Variants in SULF1 observed in about 807,000 individuals in gnomAD.
The protein encoded by SULF1 is extracellular sulfatase Sulf-1.
In SULF1, 46 loss-of-function variants were observed where a neutral mutation model predicts 110.5. That is an observed-to-expected ratio of 0.42 (90% CI 0.33 to 0.53). The LOEUF (loss-of-function observed/expected upper bound fraction) is 0.53, where lower values mean the gene tolerates loss of function less well. SULF1 is among the 20% of genes least tolerant of loss of function. The pLI is 0.12. For missense variants in SULF1, 941 were observed against 1,094.2 expected (o/e 0.86, Z 1.98); for synonymous variants, 371 against 387.1 (o/e 0.96, Z 0.49).
At chr8:69,655,889 T>C (rs1463434686) in intron 22 of SULF1, among the ~76,000 whole-genome samples, 1 of 152,258 alleles carries the variant, frequency 6.6e-6, no homozygotes, top group Non-Finnish European at 1.5e-5. Context: ...ATATTATTTT[T>C]TCACACTTCT....
At chr8:69,599,680 G>C (rs556312746) in intron 8 of SULF1, among the ~76,000 whole-genome samples, 2 of 152,280 alleles carry the variant, frequency 1.3e-5, no homozygotes, top group East Asian at 3.9e-4. Flanking sequence ...GATTCAAGTA[G>C]ATTATAGTCT....
chr8:69,554,105 A>G (rs1814914523), intron 3 of SULF1, among the ~76,000 whole-genome samples: 2 of 152,326 alleles, frequency 1.3e-5, no homozygotes, highest in East Asian at 3.9e-4. Flanking sequence ...TGTGGGGCCC[A>G]TCATCCAGTT....
chr8:69,586,337 A>G lies in SULF1; in HGVS notation c.413-20A>G. ...TTAATCATTTTACGTGAAAAAAATAATTCTTTTTTCCCACTGCAGCCTTTT... is the reference window on the plus strand; with the variant it reads ...TTAATCATTTTACGTGAAAAAAATAGTTCTTTTTTCCCACTGCAGCCTTTT... On this transcript the variant is annotated intron_variant, in intron 6 of 22. Transcript: ENST00000402687. The G allele has an allele frequency of 6.5e-7, 1 of 1,545,468 alleles. No individual in the cohort carries two copies. The highest frequency in any genetic ancestry group is 1.2e-5 in the South Asian group (1 of 81,510).
At chr8:69,604,232 TC>T (rs1417450736) in intron 12 of SULF1, among the ~76,000 whole-genome samples, 1 of 151,670 alleles carries the variant, frequency 6.6e-6, no homozygotes, top group Admixed American at 6.6e-5. Context: ...GTTGCATTTC[TC>T]AGTGCTGGTT....
At position 69,658,745 on chromosome 8, in the gene SULF1, G is replaced by A. The variant is rs1259955496; in HGVS notation, c.*210G>A. The stretch of plus-strand genomic sequence containing the variant: ...AAGACTCAAACTGCTCAAAGTGACG[G>A]GTTCTTGGTTGTCTCTGCTGAGCAC... On this transcript the variant is annotated 3_prime_UTR_variant, in exon 23 of 23. Coordinates refer to ENST00000402687, the MANE Select transcript of SULF1 (RefSeq NM_001128205.2). 1.5e-6 allele frequency: 1 copy of A among 668,222 alleles called. No homozygotes were observed. The highest frequency in any genetic ancestry group is 2.8e-6 in the Non-Finnish European group (1 of 362,648). The allele number at this position is 668,222 out of a possible 1,614,324, so 41.4% of individuals were successfully genotyped here.
chr8:69,576,304 A>G, intron 6 of SULF1, 95 bp downstream of exon 6: 2 of 1,422,388 alleles, frequency 1.4e-6, no homozygotes, highest in Non-Finnish European at 1.9e-6. Flanking sequence ...GTTCCAACAA[A>G]TACCTAAAAA....
At chr8:69,547,723 A>ACGTAG (rs1814380058) in intron 3 of SULF1, among the ~76,000 whole-genome samples, 1 of 152,262 alleles carries the variant, frequency 6.6e-6, no homozygotes, top group Admixed American at 6.5e-5. Context: ...AGTGTATTGT[A>ACGTAG]CGTAGCATAG....
chr8:69,546,827 T>G (rs569634504), intron 3 of SULF1, among the ~76,000 whole-genome samples: 5 of 152,226 alleles, frequency 3.3e-5, no homozygotes, highest in Non-Finnish European at 7.3e-5. Flanking sequence ...TAACTCACTA[T>G]ATTCTCATTA....
intron 13 of SULF1, among the ~76,000 whole-genome samples, chr8:69,620,584 A>G (rs1442303562): frequency 1.3e-5 from 2 of 152,220 alleles, no homozygotes; most frequent in Non-Finnish European, 1.5e-5. Flanking sequence ...TGTCTTCCTC[A>G]TGTGCCATTC....
chr8:69,594,951 C>A (rs1177885371), intron 8 of SULF1, among the ~76,000 whole-genome samples: 1 of 152,186 alleles, frequency 6.6e-6, no homozygotes, highest in Non-Finnish European at 1.5e-5. Flanking sequence ...AATGTTTCAT[C>A]TCTTTACCTC....
intron 3 of SULF1, among the ~76,000 whole-genome samples, chr8:69,548,448 C>CTTTT (rs11420223): frequency 1.4e-5 from 2 of 138,726 alleles, no homozygotes; most frequent in Non-Finnish European, 1.6e-5. Flanking sequence ...TGGATGTTAA[C>CTTTT]TTTTTTTTTT....
intron 15 of SULF1, among the ~76,000 whole-genome samples, chr8:69,625,683 G>A (rs910315621): frequency 9.2e-5 from 14 of 152,298 alleles, no homozygotes; most frequent in South Asian, 8.3e-4. Flanking sequence ...AGATCTTCGC[G>A]GTGAGTGTTA....
At chr8:69,635,524 G>A (rs1428446363) in intron 19 of SULF1, among the ~76,000 whole-genome samples, 1 of 152,106 alleles carries the variant, frequency 6.6e-6, no homozygotes, top group Non-Finnish European at 1.5e-5. Context: ...TTAGCCTAAG[G>A]GGACAGATTT....
At chr8:69,473,990 T>C (rs968454636) in intron 1 of SULF1, among the ~76,000 whole-genome samples, 4 of 152,192 alleles carry the variant, frequency 2.6e-5, no homozygotes, top group African/African-American at 9.6e-5. Context: ...CTTGTATTCC[T>C]TTGATGACAG....
chr8:69,649,965 C>CT (rs1812201256), intron 22 of SULF1, among the ~76,000 whole-genome samples: 1 of 111,680 alleles, frequency 9.0e-6, no homozygotes, highest in Non-Finnish European at 1.7e-5. Context: ...GTAATTCCTC[C>CT]TGCTTGCTTT....
chr8:69,472,445 C>T (rs761272065), intron 1 of SULF1, among the ~76,000 whole-genome samples: 20 of 152,238 alleles, frequency 1.3e-4, no homozygotes, highest in Non-Finnish European at 2.8e-4. Flanking sequence ...CCAAACTCTG[C>T]ACCCATCATC....
At chr8:69,623,667 C>A (rs72658282) in intron 14 of SULF1, among the ~76,000 whole-genome samples, 7,028 of 152,278 alleles carry the variant, frequency 0.046, 240 homozygotes, top group South Asian at 0.16. Context: ...CCTGGACTAA[C>A]CCCCTCACTT....
At chr8:69,622,858 CTT>C (rs1809722856) in intron 14 of SULF1, among the ~76,000 whole-genome samples, 2 of 152,184 alleles carry the variant, frequency 1.3e-5, no homozygotes, top group South Asian at 4.2e-4. Flanking sequence ...CGTAAGCACT[CTT>C]ATTGACACCC....
At position 69,638,494 on chromosome 8, in the gene SULF1, C is replaced by T. The variant is rs769983443; in HGVS notation, c.2285-8C>T. 8 of 1,607,782 alleles carry T rather than the reference C, an allele frequency of 5.0e-6. No individual in the cohort carries two copies. The African/African-American group carries it at 6.7e-5, about 14-fold the overall frequency. On this transcript the variant is annotated splice_region_variant and splice_polypyrimidine_tract_variant and intron_variant, in intron 19 of 22. Coordinates refer to ENST00000402687, the MANE Select transcript of SULF1 (RefSeq NM_001128205.2). ...TGTTTTGTTGTGTTTTTCTTTTTTA[C>T]CCAACAGTGGGATCTTTCTGTGCTT...
Sources: gnomAD v4.1 joint callset for allele counts (sites outside exome capture counted in the v4.1 genomes callset) on GRCh38, gnomAD v4.1.1 for gene constraint, MANE v1.5 for transcripts, NCBI Gene and HGNC (gene_info 2026-07-23, HGNC 2026-07-21) for gene names.